UBAP1: variants seen among roughly 807,000 people sequenced by gnomAD.
UBAP1 encodes the protein ubiquitin associated protein 1.
In UBAP1, 5 loss-of-function variants were observed where a neutral mutation model predicts 39.0. The observed-to-expected ratio is 0.13, with a 90% CI of 0.07 to 0.27. The LOEUF is 0.27. Among genes scored for constraint, UBAP1 ranks in the 10% least tolerant of loss-of-function variants. The pLI is 1.00. For synonymous variants in UBAP1, 211 were observed against 225.1 expected, an observed-to-expected ratio of 0.94 and a Z score of 0.56; for missense variants, 490 against 608.1, an observed-to-expected ratio of 0.81 and a Z score of 2.04.
intron 1 of UBAP1, among the ~76,000 whole-genome samples, chr9:34,181,116 C>CTTTTCTTT (rs1554644657): frequency 2.8e-5 from 2 of 72,238 alleles, no homozygotes; most frequent in African/African-American, 1.1e-4. Flanking sequence ...GGCCTGTTTT[C>CTTTTCTTT]TTTTTTTTTT....
chr9:34,198,899 T>C (rs1024888091), intron 1 of UBAP1, among the ~76,000 whole-genome samples: 2 of 152,178 alleles, frequency 1.3e-5, no homozygotes, highest in Non-Finnish European at 2.9e-5. Context: ...CAAGCCACTC[T>C]TACCCGTCTA....
intron 3 of UBAP1, among the ~76,000 whole-genome samples, chr9:34,234,668 T>A (rs1833592913): frequency 6.6e-6 from 1 of 152,090 alleles, no homozygotes; most frequent in Non-Finnish European, 1.5e-5. Flanking sequence ...TATCACATAG[T>A]GACGTAGTAG....
intron 3 of UBAP1, among the ~76,000 whole-genome samples, chr9:34,240,555 G>T (rs1018296795): frequency 2.6e-5 from 4 of 152,162 alleles, no homozygotes; most frequent in Non-Finnish European, 4.4e-5. Context: ...CTATACTTAA[G>T]ATATTGTTAA....
chr9:34,196,934 G>GTT (rs1831101057), intron 1 of UBAP1, among the ~76,000 whole-genome samples: 1 of 147,540 alleles, frequency 6.8e-6, no homozygotes, highest in African/African-American at 2.5e-5. Flanking sequence ...GTGTGTGTGT[G>GTT]TGTTTTTAAT....
At chr9:34,223,299 G>T (rs188390155) in intron 2 of UBAP1, among the ~76,000 whole-genome samples, 2 of 151,398 alleles carry the variant, frequency 1.3e-5, no homozygotes, top group Non-Finnish European at 2.9e-5. Flanking sequence ...GTGTAGTGAC[G>T]CATGCCTGTA....
At chr9:34,222,737 GCAGTGAGC>G (rs1832827564) in intron 2 of UBAP1, among the ~76,000 whole-genome samples, 1 of 151,802 alleles carries the variant, frequency 6.6e-6, no homozygotes, top group African/African-American at 2.4e-5. Context: ...GGTCAAGGCT[GCAGTGAGC>G]CATGATCACG....
chr9:34,239,476 A>T (rs1048042797), intron 3 of UBAP1, among the ~76,000 whole-genome samples: 2 of 152,240 alleles, frequency 1.3e-5, no homozygotes, highest in Non-Finnish European at 2.9e-5. Flanking sequence ...TTGCCTTTGC[A>T]TGACAATACA....
chr9:34,196,843 T>A (rs1587804845), intron 1 of UBAP1, among the ~76,000 whole-genome samples: 1 of 152,044 alleles, frequency 6.6e-6, no homozygotes, highest in Non-Finnish European at 1.5e-5. Context: ...TTGCTTTTTA[T>A]TATTTGTTTC....
chr9:34,240,843 G>A (rs1212563812), intron 3 of UBAP1, among the ~76,000 whole-genome samples: 1 of 149,406 alleles, frequency 6.7e-6, no homozygotes, highest in Non-Finnish European at 1.5e-5. Context: ...CATAAAAAGT[G>A]TTTAGAATCA....
intron 1 of UBAP1, among the ~76,000 whole-genome samples, chr9:34,180,388 A>G (rs1563878884): frequency 1.3e-5 from 2 of 152,114 alleles, no homozygotes; most frequent in East Asian, 3.9e-4. Context: ...GGCGCCTGTA[A>G]TCCCAGCTAC....
At chr9:34,226,129 G>GTGTGTGTGTGTGTGTGTGTGTGTGTT (rs1587854929) in intron 2 of UBAP1, among the ~76,000 whole-genome samples, 31 of 141,948 alleles carry the variant, frequency 2.2e-4, no homozygotes, top group African/African-American at 7.7e-4. Context: ...GTGTGTGTGT[G>GTGTGTGTGTGTGTGTGTGTGTGTGTT]TGTGTGTGTG....
chr9:34,216,491 T>A (rs1010324650), intron 1 of UBAP1, among the ~76,000 whole-genome samples: 7 of 152,004 alleles, frequency 4.6e-5, no homozygotes, highest in Non-Finnish European at 7.4e-5. Context: ...TTCTTTTTTT[T>A]ATTTTAAATT....
rs1211361477 is a variant in UBAP1, at chr9:34,252,417, C to A, written c.*885C>A. ...GTTTGTTTTGTATTATGTTGTACAT[C>A]ATTAAAGATCTAAATACAAAGGATA... On this transcript the variant is annotated 3_prime_UTR_variant, in exon 7 of 7. Transcript: ENST00000297661. 6.6e-6 allele frequency: 1 copy of A among 152,610 alleles called. No homozygotes were observed. The highest frequency in any genetic ancestry group is 1.5e-5 in the Non-Finnish European group (1 of 68,046). The allele number at this position is 152,610 out of a possible 1,614,324, so 9.5% of individuals were successfully genotyped here.
intron 1 of UBAP1, among the ~76,000 whole-genome samples, chr9:34,195,775 T>G (rs1194006959): frequency 1.3e-5 from 2 of 151,764 alleles, no homozygotes; most frequent in Non-Finnish European, 2.9e-5. Flanking sequence ...TTTTGTATTT[T>G]TAGTAGAGAC....
rs912004354 is a variant in UBAP1, at chr9:34,251,619, C to G, written c.*87C>G. ...ACCTGTGGGGAAAGAGAAGGGGCAG[C>G]TTCCGGATTTTCTTTTGGGGGTTAG... On this transcript the variant is annotated 3_prime_UTR_variant, in exon 7 of 7. Coordinates refer to ENST00000297661, the MANE Select transcript of UBAP1 (RefSeq NM_016525.5). 17 of 1,462,740 alleles carry G rather than the reference C, an allele frequency of 1.2e-5. No individual in the cohort carries two copies. Among genetic ancestry groups the G allele is most frequent in the Middle Eastern group, 4.1e-4 (2 of 4,856 alleles). 90.6% of individuals were successfully genotyped at this position (1,462,740 alleles called of 1,614,324 possible).
chr9:34,203,528 G>A (rs144293807), intron 1 of UBAP1, among the ~76,000 whole-genome samples: 14 of 152,122 alleles, frequency 9.2e-5, no homozygotes, highest in African/African-American at 2.9e-4. Context: ...TCCTCGTAGT[G>A]CATAAAGGCA....
intron 3 of UBAP1, among the ~76,000 whole-genome samples, chr9:34,237,919 C>A (rs1202525402): frequency 3.3e-5 from 5 of 152,140 alleles, no homozygotes; most frequent in African/African-American, 1.2e-4. Flanking sequence ...TTAATATATT[C>A]ACATAGTTGT....
At chr9:34,193,788 C>A (rs903028002) in intron 1 of UBAP1, among the ~76,000 whole-genome samples, 1 of 152,194 alleles carries the variant, frequency 6.6e-6, no homozygotes, top group Non-Finnish European at 1.5e-5. Flanking sequence ...AGGTGTTCAG[C>A]TATCCAGAAG....
intron 1 of UBAP1, among the ~76,000 whole-genome samples, chr9:34,182,306 T>C (rs1177030557): frequency 6.6e-6 from 1 of 151,320 alleles, no homozygotes; most frequent in African/African-American, 2.4e-5. Flanking sequence ...TGCCTCAGCC[T>C]CCCAAGTAGC....
Sources: gnomAD v4.1 joint callset for allele counts (sites outside exome capture counted in the v4.1 genomes callset) on GRCh38, gnomAD v4.1.1 for gene constraint, MANE v1.5 for transcripts, NCBI Gene and HGNC (gene_info 2026-07-23, HGNC 2026-07-21) for gene names.